XAGE3: variants seen among roughly 807,000 people sequenced by gnomAD.
XAGE3 encodes X antigen family member 3, also known as CT12.3.
XAGE3 carries 6 observed loss-of-function variants against 9.2 expected under a neutral mutation model. That is an observed-to-expected ratio of 0.65 (90% confidence interval 0.36 to 1.29). The LOEUF is 1.29. Among genes scored for constraint, XAGE3 ranks in the 50% most tolerant of loss-of-function variants. The pLI is 0.03. For missense variants in XAGE3, 70 were observed against 82.8 expected, an observed-to-expected ratio of 0.85 and a Z score of 0.60; for synonymous variants, 26 against 28.2, an observed-to-expected ratio of 0.92 and a Z score of 0.25.
rs782268017 is a variant in XAGE3 at position 52,862,601 on chromosome X, T to C, written c.*17A>G. 1 of 1,210,043 alleles carries C rather than the reference T, an allele frequency of 8.3e-7. No individual in the cohort carries two copies. The highest frequency in any genetic ancestry group is 1.1e-6 in the Non-Finnish European group (1 of 894,555). ...CTTAGATAAAAACAGTTTTGTGTTG[T>C]TTCAGCTTGTCTTCATTTAAACCTG... On this transcript the variant is annotated 3_prime_UTR_variant, in exon 5 of 5. Transcript: ENST00000346279.
chrX:52,867,286 T>C (rs1259691039), intron 1 of XAGE3, 145 bp from the exon 2 acceptor site: 4 of 494,348 alleles, frequency 8.1e-6, no homozygotes, highest in Non-Finnish European at 1.3e-5. Flanking sequence ...TAAGTATGTG[T>C]GCCTTCTGAA....
chrX:52,865,356 C>T (rs1259666124), intron 3 of XAGE3, among the ~76,000 whole-genome samples: 1 of 111,091 alleles, frequency 9.0e-6, no homozygotes, highest in African/African-American at 3.3e-5. Context: ...TGTAACTTTC[C>T]ATAAATGAAT....
intron 4 of XAGE3, among the ~76,000 whole-genome samples, chrX:52,864,538 G>A (rs1281866273): frequency 9.0e-6 from 1 of 111,605 alleles, no homozygotes; most frequent in Non-Finnish European, 1.9e-5. Flanking sequence ...TTAGTTGTTG[G>A]GTATAATCAG....
Position 52,863,364 on chromosome X carries a change from A to G in XAGE3, c.314-724T>C, listed in dbSNP as rs1376123193. On this transcript the variant is annotated intron_variant, in intron 4 of 4. Coordinates refer to ENST00000346279, the MANE Select transcript of XAGE3 (RefSeq NM_133179.3). ...TTAATCTATCACTATTATTTTTGAC[A>G]TCAAAATGAGAAAGAGGCATATATC... Among the ~76,000 whole-genome samples, 36 of 112,295 alleles carry G rather than the reference A, an allele frequency of 3.2e-4. No individual in the cohort carries two copies. The Admixed American group carries it at 3.4e-3, about 11-fold the overall frequency.
At chrX:52,866,360 A>G in intron 3 of XAGE3, 73 bp downstream of exon 3, 2 of 1,020,051 alleles carry the variant, frequency 2.0e-6, no homozygotes, top group East Asian at 6.1e-5. Context: ...GTTACTGGTC[A>G]TGGCATAAGG....
In XAGE3 at chrX:52,866,794, T is replaced by C. The variant is rs188866847; in HGVS notation, c.82-256A>G. 2.3e-3 allele frequency among the ~76,000 whole-genome samples: 260 copies of C among 111,767 alleles called. 1 individual carries two copies. Among genetic ancestry groups the C allele is most frequent in the Non-Finnish European group, 4.3e-3 (228 of 53,165 alleles). On this transcript the variant is annotated intron_variant, in intron 2 of 4. Coordinates refer to ENST00000346279, the MANE Select transcript of XAGE3 (RefSeq NM_133179.3). ...AGCTGGGATGAATGTGTGTAATCTT[T>C]TGCAAATAAGCATGAGAAGGAAATC...
rs1556783804 is a variant in XAGE3 at position 52,862,592 on chromosome X, T to A, written c.*26A>T. ...GTCAAATATCTTAGATAAAAACAGT[T>A]TTGTGTTGTTTCAGCTTGTCTTCAT... On this transcript the variant is annotated 3_prime_UTR_variant, in exon 5 of 5. Coordinates refer to ENST00000346279, the MANE Select transcript of XAGE3 (RefSeq NM_133179.3). The A allele has an allele frequency of 9.1e-7, 1 of 1,099,734 alleles. No homozygotes were observed. The highest frequency in any genetic ancestry group is 2.9e-5 in the Admixed American group (1 of 34,572). 90.6% of individuals were successfully genotyped at this position (1,099,734 alleles called of 1,213,427 possible).
chrX:52,867,228 T>C (rs1466546745), intron 1 of XAGE3, 87 bp from the exon 2 acceptor site: 12 of 840,945 alleles, frequency 1.4e-5, no homozygotes, highest in Non-Finnish European at 2.0e-5. Context: ...TAACTTGTCA[T>C]TTTTTAAAAG....
At position 52,867,521 on chromosome X, in the gene XAGE3, G is replaced by A. The variant is rs144484825; in HGVS notation, c.-8-380C>T. ...CCCTAAAATCAAGTTTTGTTGGAAT[G>A]CAGAGCCCCGCCCATTCAAACCTCC... On this transcript the variant is annotated intron_variant, in intron 1 of 4. Coordinates refer to ENST00000346279, the MANE Select transcript of XAGE3 (RefSeq NM_133179.3). 4.5e-3 allele frequency among the ~76,000 whole-genome samples: 504 copies of A among 110,932 alleles called. 2 individuals carry two copies. The highest frequency in any genetic ancestry group is 0.016 in the African/African-American group (484 of 30,466).
intron 3 of XAGE3, 104 bp from the exon 4 acceptor site, chrX:52,865,004 C>T (rs782311701): frequency 1.6e-5 from 16 of 993,519 alleles, no homozygotes; most frequent in East Asian, 1.3e-4. Flanking sequence ...AGGCTGCAGG[C>T]GACTGTGGTA....
chrX:52,867,923 T>C (rs1334444229), intron 1 of XAGE3, 83 bp downstream of exon 1: 3 of 111,554 alleles, frequency 2.7e-5, no homozygotes, highest in Non-Finnish European at 3.8e-5. Context: ...CGGGCTATGC[T>C]TTCCCACGCT....
At chrX:52,867,372 C>T (rs1448067416) in intron 1 of XAGE3, 10 of 348,356 alleles carry the variant, frequency 2.9e-5, no homozygotes, top group Non-Finnish European at 4.0e-5. Context: ...AGGATATTTC[C>T]GATGAGGTTT....
chrX:52,866,412 C>CT (rs1240360761), intron 3 of XAGE3, 21 bp downstream of exon 3: 16 of 1,201,903 alleles, frequency 1.3e-5, no homozygotes, highest in Non-Finnish European at 1.3e-5. Context: ...CATAGACATT[C>CT]TTTCTTTCCC....
chrX:52,862,718 C>T lies in XAGE3; in HGVS notation c.314-78G>A, dbSNP rs1242353000. ...TGACATTAAAGGTAGGCAAAGGACACCAAAGTTTTGGTTTTATACCGTGGA... is the reference window on the plus strand; with the variant it reads ...TGACATTAAAGGTAGGCAAAGGACATCAAAGTTTTGGTTTTATACCGTGGA... On this transcript the variant is annotated intron_variant, in intron 4 of 4. Transcript: ENST00000346279. 2.2e-4 allele frequency: 256 copies of T among 1,167,419 alleles called. No homozygotes were observed. In the African/African-American group the frequency reaches 4.4e-3, roughly 20 times the overall value.
At chrX:52,863,336 G>A (rs1556784018) in intron 4 of XAGE3, among the ~76,000 whole-genome samples, 2 of 111,838 alleles carry the variant, frequency 1.8e-5, no homozygotes, top group Non-Finnish European at 3.8e-5. Flanking sequence ...GGTCACATTT[G>A]GTTTAATCTA....
intron 4 of XAGE3, among the ~76,000 whole-genome samples, chrX:52,863,531 T>C (rs2146546828): frequency 8.9e-6 from 1 of 112,293 alleles, no homozygotes; most frequent in Admixed American, 9.4e-5. Flanking sequence ...TTTCCCACAC[T>C]CTTTGTGATG....
intron 4 of XAGE3, among the ~76,000 whole-genome samples, chrX:52,863,708 C>T (rs1399832820): frequency 9.0e-6 from 1 of 111,659 alleles, no homozygotes; most frequent in Non-Finnish European, 1.9e-5. Flanking sequence ...CCATGTTGAG[C>T]TTTTTCCATT....
chrX:52,862,780 A>G (rs1375380274), intron 4 of XAGE3, 140 bp from the exon 5 acceptor site: 44 of 754,157 alleles, frequency 5.8e-5, no homozygotes, highest in African/African-American at 4.0e-4. Context: ...GATGGCTAAC[A>G]TTCAGTTAGA....
Position 52,864,853 on chromosome X carries a change from C to T in XAGE3, c.235G>A (p.Gly79Arg), listed in dbSNP as rs1161267218. The change falls in exon 4 of 5, where the codon GGG (glycine) becomes AGG (arginine). Residue 79 changes from glycine to arginine, a missense_variant. Gly to Arg is a moderately radical substitution (Grantham distance 125). Transcript: ENST00000346279. The part of the protein sequence containing the change: ...DLQELSQSKT[G>R]GECGNGPDDQ... Reference sequence around the variant, plus strand: ...TCAGGACCATTTCCACATTCACCCCCAGTCTTTGACTGAGACAGCTCCTGG... The same window carrying T: ...TCAGGACCATTTCCACATTCACCCCTAGTCTTTGACTGAGACAGCTCCTGG... 9.9e-6 allele frequency: 12 copies of T among 1,209,615 alleles called. No individual in the cohort carries two copies. Among genetic ancestry groups the T allele is most frequent in the Non-Finnish European group, 1.3e-5 (12 of 894,974 alleles).
Sources: gnomAD v4.1 joint callset for allele counts (sites outside exome capture counted in the v4.1 genomes callset) on GRCh38, gnomAD v4.1.1 for gene constraint, MANE v1.5 for transcripts, NCBI Gene and HGNC (gene_info 2026-07-23, HGNC 2026-07-21) for gene names.